The following TENM2 variants were observed in gnomAD, a reference collection of about 807,000 sequenced individuals.
TENM2 encodes the protein teneurin transmembrane protein 2, also known as teneurin-2.
Under a neutral mutation model 245.2 loss-of-function variants are expected in TENM2, and 52 were observed. The observed-to-expected ratio is 0.21, with a 90% CI of 0.17 to 0.27. TENM2 has a LOEUF of 0.27. TENM2 is among the 10% of genes least tolerant of loss of function. The pLI is 1.00. For missense variants in TENM2, 3,046 were observed against 3,666.8 expected (o/e 0.83, Z 4.37); for synonymous variants, 1,363 against 1,438.9 (o/e 0.95, Z 1.19).
the TENM2 span, among the ~76,000 whole-genome samples, chr5:166,991,752 G>A: frequency 6.6e-6 from 1 of 152,106 alleles, no homozygotes; most frequent in Admixed American, 6.5e-5. Context: ...TACACACAAA[G>A]CAAACGCTTT....
intron 2 of TENM2, among the ~76,000 whole-genome samples, chr5:167,422,175 G>A (rs1311647769): frequency 6.6e-6 from 1 of 152,150 alleles, no homozygotes; most frequent in African/African-American, 2.4e-5. Flanking sequence ...GTATTTGTTT[G>A]GCACTTGCAA....
chr5:168,056,983 T>C (rs1375832592), intron 6 of TENM2, among the ~76,000 whole-genome samples: 2 of 151,990 alleles, frequency 1.3e-5, no homozygotes, highest in South Asian at 2.1e-4. Context: ...CACTATGAAA[T>C]TGCCTAAGAG....
chr5:167,636,127 T>C lies in TENM2; in HGVS notation c.503-239859T>C, dbSNP rs147380808. Among the ~76,000 whole-genome samples, 309 of 152,332 alleles carry C rather than the reference T, an allele frequency of 2.0e-3. 3 individuals carry two copies. In the East Asian group the frequency reaches 0.039, roughly 19 times the overall value. ...TCTACTTAATTATTTTTAAAATGTT[T>C]AGTTCACCTTCTCACGAGAGGATTT... On this transcript the variant is annotated intron_variant, in intron 2 of 28. Coordinates refer to ENST00000518659, the Ensembl canonical transcript of TENM2.
intron 2 of TENM2, among the ~76,000 whole-genome samples, chr5:167,614,680 AG>A (rs1470928164): frequency 6.6e-6 from 1 of 152,122 alleles, no homozygotes; most frequent in African/African-American, 2.4e-5. Flanking sequence ...TGGTTGCATG[AG>A]GAAGAGAGAA....
intron 11 of TENM2, among the ~76,000 whole-genome samples, chr5:168,125,622 G>C (rs1046713557): frequency 2.0e-5 from 3 of 152,086 alleles, no homozygotes; most frequent in African/African-American, 7.2e-5. Flanking sequence ...CCCTATCCAA[G>C]CAAGCGATCA....
intron 2 of TENM2, among the ~76,000 whole-genome samples, chr5:167,448,222 C>T (rs1413623901): frequency 1.3e-5 from 2 of 151,948 alleles, no homozygotes; most frequent in Non-Finnish European, 2.9e-5. Flanking sequence ...TGTACCAGTG[C>T]GACCAAAGAC....
chr5:167,208,621 C>T, the TENM2 span, among the ~76,000 whole-genome samples: 1 of 152,140 alleles, frequency 6.6e-6, no homozygotes, highest in Non-Finnish European at 1.5e-5. Context: ...GGAGGGTTGT[C>T]TTCTGAGGTT....
At chr5:167,086,418 T>A in the TENM2 span, among the ~76,000 whole-genome samples, 1 of 152,146 alleles carries the variant, frequency 6.6e-6, no homozygotes, top group East Asian at 1.9e-4. Flanking sequence ...CTCTTCCTCA[T>A]GGCCCCGAGG....
intron 3 of TENM2, among the ~76,000 whole-genome samples, chr5:167,909,071 T>C (rs868755996): frequency 0.019 from 2,800 of 149,842 alleles, 68 homozygotes; most frequent in African/African-American, 0.058. Context: ...TCTCTCTCTT[T>C]TTTTTTTTTT....
At chr5:168,069,315 A>G (rs1290433719) in intron 7 of TENM2, among the ~76,000 whole-genome samples, 1 of 152,224 alleles carries the variant, frequency 6.6e-6, no homozygotes, top group Non-Finnish European at 1.5e-5. Context: ...ATGCTCAGAG[A>G]TGTTAGGAAA....
chr5:167,321,419 G>T (rs764152536), intron 1 of TENM2, among the ~76,000 whole-genome samples: 10 of 152,128 alleles, frequency 6.6e-5, no homozygotes, highest in Non-Finnish European at 1.5e-4. Context: ...TATTTTGAAG[G>T]TAATTTTATA....
intron 2 of TENM2, among the ~76,000 whole-genome samples, chr5:167,692,500 T>C (rs1191187395): frequency 6.6e-6 from 1 of 152,170 alleles, no homozygotes; most frequent in Non-Finnish European, 1.5e-5. Context: ...AGGTGGGAAT[T>C]ACTCCCACAG....
At chr5:167,509,429 A>G (rs1649311189) in intron 2 of TENM2, among the ~76,000 whole-genome samples, 1 of 152,230 alleles carries the variant, frequency 6.6e-6, no homozygotes. Context: ...TAACTTGAAA[A>G]GTTGCGTTTG....
At chr5:167,919,037 T>C (rs2151625061) in intron 3 of TENM2, among the ~76,000 whole-genome samples, 1 of 152,364 alleles carries the variant, frequency 6.6e-6, no homozygotes, top group East Asian at 1.9e-4. Flanking sequence ...AATGCTCCAG[T>C]ACTTTGATGC....
chr5:168,153,251 G>T (rs1370266322), intron 12 of TENM2, among the ~76,000 whole-genome samples: 2 of 152,124 alleles, frequency 1.3e-5, no homozygotes, highest in African/African-American at 4.8e-5. Context: ...TGTCTGGGTC[G>T]CTTCCTCAGA....
At chr5:167,851,462 G>T (rs538905428) in intron 2 of TENM2, among the ~76,000 whole-genome samples, 1 of 152,098 alleles carries the variant, frequency 6.6e-6, no homozygotes, top group Non-Finnish European at 1.5e-5. Context: ...ATTTGGTAAG[G>T]GGAGAAAGAG....
At chr5:167,454,533 AC>A (rs67943803) in intron 2 of TENM2, among the ~76,000 whole-genome samples, 4,567 of 151,660 alleles carry the variant, frequency 0.03, 100 homozygotes, top group African/African-American at 0.062. Flanking sequence ...GTGCATGCAC[AC>A]CCACACATAT....
chr5:167,707,352 T>C (rs72830081), intron 2 of TENM2, among the ~76,000 whole-genome samples: 10,501 of 152,226 alleles, frequency 0.069, 531 homozygotes, highest in East Asian at 0.13. Flanking sequence ...TTGCTAATAT[T>C]TTCTTCCATT....
intron 2 of TENM2, among the ~76,000 whole-genome samples, chr5:167,384,926 T>C (rs958979620): frequency 6.6e-6 from 1 of 152,182 alleles, no homozygotes; most frequent in Non-Finnish European, 1.5e-5. Flanking sequence ...AAGCATATAA[T>C]TTTATGCTGA....
Sources: gnomAD v4.1 joint callset for allele counts (sites outside exome capture counted in the v4.1 genomes callset) on GRCh38, gnomAD v4.1.1 for gene constraint, MANE v1.5 for transcripts, NCBI Gene and HGNC (gene_info 2026-07-23, HGNC 2026-07-21) for gene names.